Variants in TTC28 observed in about 807,000 individuals in gnomAD.
TTC28 encodes tetratricopeptide repeat domain 28.
TTC28 carries 61 observed loss-of-function variants against 198.0 expected under a neutral mutation model. The observed-to-expected ratio is 0.31, with a 90% CI of 0.25 to 0.38. TTC28 has a LOEUF of 0.38. TTC28 is among the 10% of genes least tolerant of loss of function. The probability of loss-of-function intolerance (pLI) is 1.00; values close to 1 mark genes in which losing one functional copy is unlikely to be tolerated. For synonymous variants in TTC28, 1,171 were observed against 1,297.8 expected (o/e 0.90, Z 2.10); for missense variants, 2,678 against 3,164.0 (o/e 0.85, Z 3.69).
intron 2 of TTC28, among the ~76,000 whole-genome samples, chr22:28,490,403 A>C (rs1430588834): frequency 5.9e-5 from 9 of 152,196 alleles, no homozygotes; most frequent in Admixed American, 5.9e-4. Context: ...ATCACCTGGA[A>C]CAACCAAGGC....
chr22:28,605,648 G>A (rs752590965), intron 2 of TTC28, among the ~76,000 whole-genome samples: 2 of 151,874 alleles, frequency 1.3e-5, no homozygotes, highest in African/African-American at 4.8e-5. Flanking sequence ...ACCAAACAAG[G>A]GCTAATCTCA....
intron 2 of TTC28, among the ~76,000 whole-genome samples, chr22:28,413,041 G>A (rs1332530986): frequency 2.0e-5 from 3 of 152,156 alleles, no homozygotes; most frequent in Non-Finnish European, 4.4e-5. Context: ...CTCACTCGCT[G>A]TGTTATTTAT....
At chr22:28,654,718 C>T (rs2051617232) in intron 1 of TTC28, among the ~76,000 whole-genome samples, 3 of 152,150 alleles carry the variant, frequency 2.0e-5, no homozygotes, top group Admixed American at 6.5e-5. Context: ...ATCACAAATT[C>T]GTCACTTCAA....
chr22:28,336,727 T>A (rs915075566), intron 2 of TTC28, among the ~76,000 whole-genome samples: 3 of 152,206 alleles, frequency 2.0e-5, no homozygotes, highest in Non-Finnish European at 4.4e-5. Flanking sequence ...GATTCTTCTC[T>A]CTTTTCTTCT....
intron 2 of TTC28, among the ~76,000 whole-genome samples, chr22:28,316,590 C>A (rs972536923): frequency 6.6e-6 from 1 of 151,964 alleles, no homozygotes; most frequent in Non-Finnish European, 1.5e-5. Context: ...GGCTATGTTT[C>A]CCCATTTATG....
At chr22:28,482,005 C>T (rs1257083836) in intron 2 of TTC28, among the ~76,000 whole-genome samples, 1 of 152,158 alleles carries the variant, frequency 6.6e-6, no homozygotes, top group Admixed American at 6.5e-5. Flanking sequence ...TGCACACAGA[C>T]TCCATATGCA....
At chr22:28,230,492 C>A (rs971836470) in intron 5 of TTC28, among the ~76,000 whole-genome samples, 3 of 152,148 alleles carry the variant, frequency 2.0e-5, no homozygotes, top group Admixed American at 6.6e-5. Flanking sequence ...TTTGTCTTCT[C>A]ATTGCCCAGA....
intron 2 of TTC28, among the ~76,000 whole-genome samples, chr22:28,371,814 T>G (rs1403685159): frequency 1.3e-5 from 2 of 148,452 alleles, no homozygotes; most frequent in Non-Finnish European, 3.0e-5. Context: ...ACTCCCGATC[T>G]CGTGATCCAT....
chr22:28,626,378 G>C (rs2051076914), intron 2 of TTC28, among the ~76,000 whole-genome samples: 1 of 151,986 alleles, frequency 6.6e-6, no homozygotes, highest in Admixed American at 6.6e-5. Flanking sequence ...CTTATGGAGA[G>C]AGACAGAAAT....
At chr22:28,032,205 AATAT>A (rs1309086754) in intron 12 of TTC28, among the ~76,000 whole-genome samples, 6 of 100,832 alleles carry the variant, frequency 6.0e-5, no homozygotes, top group Non-Finnish European at 1.3e-4. Context: ...ATATATATAA[AATAT>A]ATATATATAA....
chr22:28,121,687 C>T (rs932379262), intron 6 of TTC28, among the ~76,000 whole-genome samples: 1 of 152,104 alleles, frequency 6.6e-6, no homozygotes, highest in Non-Finnish European at 1.5e-5. Context: ...CTGGTGCACC[C>T]AATATTCATT....
intron 2 of TTC28, among the ~76,000 whole-genome samples, chr22:28,449,950 A>T (rs2047756124): frequency 6.6e-6 from 1 of 152,180 alleles, no homozygotes. Context: ...TTAGAAAAAG[A>T]GACACTCCAC....
intron 2 of TTC28, among the ~76,000 whole-genome samples, chr22:28,397,609 C>T (rs776477002): frequency 2.0e-5 from 3 of 152,108 alleles, no homozygotes; most frequent in African/African-American, 2.4e-5. Context: ...CTCTGTAATT[C>T]GACTGAACCA....
At chr22:28,676,240 G>A (rs528238596) in intron 1 of TTC28, among the ~76,000 whole-genome samples, 5 of 152,190 alleles carry the variant, frequency 3.3e-5, no homozygotes, top group African/African-American at 1.2e-4. Context: ...ACTGTGCCAC[G>A]TGAAATAAGT....
At chr22:28,536,518 C>T (rs1687347380) in intron 2 of TTC28, among the ~76,000 whole-genome samples, 1 of 149,894 alleles carries the variant, frequency 6.7e-6, no homozygotes, top group East Asian at 2.0e-4. Context: ...CGGCTACTCG[C>T]GAGGCTGAGG....
chr22:28,361,998 C>T (rs753002597), intron 2 of TTC28, among the ~76,000 whole-genome samples: 143 of 152,182 alleles, frequency 9.4e-4, no homozygotes, highest in Admixed American at 1.6e-3. Context: ...TCACTGACAA[C>T]GCGTCTGGCT....
Position 28,296,267 on chromosome 22 carries a change from T to G in TTC28, c.864A>C (p.Gly288=). 6.4e-7 allele frequency: 1 copy of G among 1,551,072 alleles called. No individual in the cohort carries two copies. Among genetic ancestry groups the G allele is most frequent in the Non-Finnish European group, 8.7e-7 (1 of 1,146,686 alleles). Residue 288 remains glycine (G), a synonymous_variant, in exon 5 of 23, where the codon GGA becomes GGC. Coordinates refer to ENST00000397906, the MANE Select transcript of TTC28 (RefSeq NM_001145418.2). ...GGTTAGTGAGAGCCTCCCGGTAATT[T>G]CCTTTGGAGAAGAATGCAGAGCCCA... ...GNLGSAFFSK[G]NYREALTNHR...
At chr22:28,169,814 G>GTAT (rs1922464345) in intron 5 of TTC28, among the ~76,000 whole-genome samples, 1 of 151,484 alleles carries the variant, frequency 6.6e-6, no homozygotes, top group South Asian at 2.1e-4. Context: ...AAAACTTAAA[G>GTAT]TATAATAATA....
chr22:28,470,403 G>C (rs2048082941), intron 2 of TTC28, among the ~76,000 whole-genome samples: 2 of 152,078 alleles, frequency 1.3e-5, no homozygotes, highest in African/African-American at 4.8e-5. Context: ...AAGCCCACCA[G>C]AGTCTTAGCT....
Sources: allele counts gnomAD v4.1 joint callset (sites outside exome capture counted in the v4.1 genomes callset), GRCh38; gene constraint gnomAD v4.1.1; transcripts MANE v1.5; gene names NCBI Gene and HGNC (gene_info 2026-07-23, HGNC 2026-07-21).